The following PAPPA2 variants were observed in gnomAD, a reference collection of about 807,000 sequenced individuals.
PAPPA2 encodes the protein pappalysin-2.
Under a neutral mutation model 176.4 loss-of-function variants are expected in PAPPA2, and 86 were observed. That is an observed-to-expected ratio of 0.49 (90% CI 0.41 to 0.58). PAPPA2 has a LOEUF of 0.58. PAPPA2 is among the 20% of genes least tolerant of loss of function. The pLI, the probability that PAPPA2 is intolerant of heterozygous loss-of-function variation, is 0.00. For synonymous variants in PAPPA2, 809 were observed against 852.2 expected, an observed-to-expected ratio of 0.95 and a Z score of 0.88; for missense variants, 2,073 against 2,256.9, an observed-to-expected ratio of 0.92 and a Z score of 1.65.
intron 1 of PAPPA2, among the ~76,000 whole-genome samples, chr1:176,535,968 A>G (rs1650046630): frequency 6.6e-6 from 1 of 151,998 alleles, no homozygotes; most frequent in African/African-American, 2.4e-5. Context: ...CTTTTTTAGA[A>G]CCTCACACTG....
At chr1:176,592,753 T>C (rs1299783715) in intron 2 of PAPPA2, among the ~76,000 whole-genome samples, 1 of 152,120 alleles carries the variant, frequency 6.6e-6, no homozygotes, top group Admixed American at 6.5e-5. Flanking sequence ...GATCAGCAAA[T>C]AGCTGATAGA....
At chr1:176,601,441 G>C (rs1407489614) in intron 3 of PAPPA2, among the ~76,000 whole-genome samples, 1 of 152,188 alleles carries the variant, frequency 6.6e-6, no homozygotes, top group Non-Finnish European at 1.5e-5. Context: ...AGAGGAGAGA[G>C]AGCCTGACGC....
At chr1:176,686,595 G>C (rs1659852526) in intron 4 of PAPPA2, among the ~76,000 whole-genome samples, 1 of 152,198 alleles carries the variant, frequency 6.6e-6, no homozygotes, top group Admixed American at 6.5e-5. Flanking sequence ...GCAGGTCTGA[G>C]AGTAGGATGG....
At chr1:176,799,319 A>C (rs1665572168) in intron 20 of PAPPA2, among the ~76,000 whole-genome samples, 1 of 152,386 alleles carries the variant, frequency 6.6e-6, no homozygotes, top group Admixed American at 6.5e-5. Context: ...TTTAACAAAA[A>C]GTAGATGACT....
chr1:176,695,964 G>GTC, intron 7 of PAPPA2, 105 bp downstream of exon 7: 1 of 1,254,820 alleles, frequency 8.0e-7, no homozygotes, highest in Non-Finnish European at 1.1e-6. Context: ...CAATGTATGT[G>GTC]TATGTGTGTG....
intron 5 of PAPPA2, among the ~76,000 whole-genome samples, chr1:176,691,776 A>C (rs950477305): frequency 1.3e-5 from 2 of 152,194 alleles, no homozygotes; most frequent in Admixed American, 1.3e-4. Context: ...CAGGTGTCTG[A>C]AACTCCACAA....
At chr1:176,527,624 T>C (rs756153515) in intron 1 of PAPPA2, among the ~76,000 whole-genome samples, 2 of 152,138 alleles carry the variant, frequency 1.3e-5, no homozygotes, top group African/African-American at 2.4e-5. Flanking sequence ...TTCCTTTGGT[T>C]TTGCCCCCAC....
intron 2 of PAPPA2, among the ~76,000 whole-genome samples, chr1:176,571,581 C>T (rs1652336932): frequency 6.6e-6 from 1 of 152,190 alleles, no homozygotes; most frequent in South Asian, 2.1e-4. Context: ...ATGCTGCCAT[C>T]CAAACTGGCC....
Position 176,616,194 on chromosome 1 carries a change from CATGTTGGCTA to C in PAPPA2, c.1991+20604_1991+20613del, listed in dbSNP as rs1344069595. On this transcript the variant is annotated intron_variant, in intron 3 of 22. Coordinates refer to ENST00000367662, the MANE Select transcript of PAPPA2 (RefSeq NM_020318.3). ...TCATTAGACTTACTCGCTAAGCCAA[CATGTTGGCTA>C]ATGTGTATAACAAATTAGGTCCTAT... 2.2e-5 allele frequency: 8 copies of C among 371,842 alleles called. No homozygotes were observed. The Admixed American group carries it at 2.5e-4, about 12-fold the overall frequency. The allele number at this position is 371,842 out of a possible 1,614,324, so 23.0% of individuals were successfully genotyped here.
intron 20 of PAPPA2, among the ~76,000 whole-genome samples, chr1:176,797,643 A>G (rs1396943276): frequency 6.6e-6 from 1 of 151,880 alleles, no homozygotes; most frequent in Non-Finnish European, 1.5e-5. Context: ...ACTGTCTCAA[A>G]AAATATATAT....
intron 1 of PAPPA2, among the ~76,000 whole-genome samples, chr1:176,508,038 C>T (rs1468038351): frequency 6.6e-6 from 1 of 152,050 alleles, no homozygotes; most frequent in Admixed American, 6.6e-5. Context: ...GAAGTCATGC[C>T]TTCATAGTGG....
intron 21 of PAPPA2, among the ~76,000 whole-genome samples, chr1:176,835,131 T>C (rs1269459664): frequency 2.0e-5 from 3 of 152,186 alleles, no homozygotes; most frequent in African/African-American, 7.2e-5. Context: ...TCTTTCTCAG[T>C]AAATTAAAAG....
In PAPPA2 at chr1:176,556,626, A is replaced by C. The variant is rs1202948454; in HGVS notation, c.304A>C (p.Asn102His). 5 of 1,614,178 alleles carry C rather than the reference A, an allele frequency of 3.1e-6. No individual in the cohort carries two copies. In the South Asian group the frequency reaches 4.4e-5, roughly 14 times the overall value. ...TGRSKPDTEG[N>H]AVSLVPPDLT... ...ACGCAGCAAACCAGACACTGAAGGA[A>C]ATGCTGTGAGCCTTGTTCCCCCAGA... Residue 102 changes from asparagine (N) to histidine (H), a missense_variant, in exon 2 of 23, where the codon AAT becomes CAT. By Grantham distance (68) the Asn-to-His change is moderately conservative. This residue lies in a region of PAPPA2 where 1,196 missense variants were observed against 1,330.4 expected (regional missense o/e 0.90). Transcript: ENST00000367662.
chr1:176,650,117 G>A (rs180852856), intron 3 of PAPPA2, among the ~76,000 whole-genome samples: 99 of 151,412 alleles, frequency 6.5e-4, no homozygotes, highest in Admixed American at 1.1e-3. Context: ...ATATTATCTC[G>A]CTCAATTGTC....
intron 21 of PAPPA2, among the ~76,000 whole-genome samples, chr1:176,816,087 C>T (rs1265557921): frequency 7.0e-6 from 1 of 143,672 alleles, no homozygotes; most frequent in Non-Finnish European, 1.5e-5. Context: ...TGACATAGTT[C>T]CCAGCTTGAC....
intron 3 of PAPPA2, among the ~76,000 whole-genome samples, chr1:176,639,264 C>G (rs1656921358): frequency 6.6e-6 from 1 of 151,860 alleles, no homozygotes; most frequent in African/African-American, 2.4e-5. Context: ...TAAATGGAGA[C>G]AAAGTAGACC....
intron 17 of PAPPA2, among the ~76,000 whole-genome samples, chr1:176,789,355 G>GAACA (rs1665077410): frequency 6.6e-6 from 1 of 150,856 alleles, no homozygotes; most frequent in Non-Finnish European, 1.5e-5. Flanking sequence ...TGAACAGTGA[G>GAACA]AACACATGGC....
intron 4 of PAPPA2, among the ~76,000 whole-genome samples, chr1:176,680,335 T>C (rs1659521940): frequency 6.6e-6 from 1 of 152,190 alleles, no homozygotes; most frequent in Non-Finnish European, 1.5e-5. Flanking sequence ...TCTCTGTAAA[T>C]TTGTGTTTCT....
intron 3 of PAPPA2, among the ~76,000 whole-genome samples, chr1:176,618,538 G>A (rs1211115904): frequency 6.6e-6 from 1 of 152,198 alleles, no homozygotes; most frequent in Non-Finnish European, 1.5e-5. Flanking sequence ...TCTCTGTAGT[G>A]TTGTGAAAGA....
Sources: allele counts gnomAD v4.1 joint callset (sites outside exome capture counted in the v4.1 genomes callset), GRCh38; gene constraint gnomAD v4.1.1; regional missense constraint gnomAD v4.1.1; transcripts MANE v1.5; gene names NCBI Gene and HGNC (gene_info 2026-07-23, HGNC 2026-07-21).